GPALPP1: variants seen among roughly 807,000 people sequenced by gnomAD.
The protein encoded by GPALPP1 is GPALPP motifs containing 1.
Under a neutral mutation model 38.9 loss-of-function variants are expected in GPALPP1, and 30 were observed. The observed-to-expected ratio is 0.77, with a 90% CI of 0.58 to 1.05. The LOEUF (loss-of-function observed/expected upper bound fraction) is 1.05, where lower values mean the gene tolerates loss of function less well. Ranked by LOEUF, GPALPP1 falls within the 50% of genes least tolerant of loss-of-function variation. The probability of loss-of-function intolerance (pLI) is 0.00; values close to 1 mark genes in which losing one functional copy is unlikely to be tolerated. For missense variants in GPALPP1, 384 were observed against 408.8 expected, an observed-to-expected ratio of 0.94 and a Z score of 0.52; for synonymous variants, 120 against 139.2, an observed-to-expected ratio of 0.86 and a Z score of 0.97.
intron 4 of GPALPP1, among the ~76,000 whole-genome samples, chr13:45,010,710 C>T (rs150256510): frequency 4.3e-4 from 65 of 152,284 alleles, no homozygotes; most frequent in African/African-American, 1.4e-3. Flanking sequence ...TTCAGCCAGG[C>T]GCAGTGGTTC....
intron 1 of GPALPP1, among the ~76,000 whole-genome samples, chr13:45,001,315 A>C (rs1228277320): frequency 1.3e-5 from 2 of 152,174 alleles, no homozygotes; most frequent in East Asian, 3.9e-4. Flanking sequence ...ACTGTGGCTC[A>C]ATTAAACCTC....
chr13:45,036,485 A>T lies in GPALPP1; in HGVS notation c.*3250A>T, dbSNP rs1053269053. 4.6e-5 allele frequency: 7 copies of T among 152,154 alleles called. No homozygotes were observed. In the East Asian group the frequency reaches 1.3e-3, roughly 29 times the overall value. 9.4% of individuals were successfully genotyped at this position (152,154 alleles called of 1,614,324 possible). On this transcript the variant is annotated 3_prime_UTR_variant, in exon 8 of 8. Transcript: ENST00000357537. ...TGCAAAGGATGGTCTCTACCTTATG[A>T]CTATTTTCCTTGGGGGAATTAACCA...
At chr13:45,020,309 T>C (rs962005365) in intron 6 of GPALPP1, 21 bp from the exon 7 acceptor site, 1 of 885,914 alleles carries the variant, frequency 1.1e-6, no homozygotes, top group South Asian at 1.4e-5. Flanking sequence ...CAGTAATGTG[T>C]TATCTGTGTT....
chr13:44,991,778 C>T (rs1378273233), intron 1 of GPALPP1, among the ~76,000 whole-genome samples: 1 of 152,202 alleles, frequency 6.6e-6, no homozygotes, highest in Non-Finnish European at 1.5e-5. Flanking sequence ...GTAACTGCTT[C>T]CTTGATTTAT....
chr13:44,990,822 C>A (rs1872742698), intron 1 of GPALPP1, among the ~76,000 whole-genome samples: 1 of 152,188 alleles, frequency 6.6e-6, no homozygotes. Flanking sequence ...AGCGAGGTGG[C>A]ACAAGCCTGT....
intron 2 of GPALPP1, among the ~76,000 whole-genome samples, chr13:45,005,437 G>A (rs764337352): frequency 3.3e-5 from 5 of 152,004 alleles, no homozygotes; most frequent in Non-Finnish European, 7.4e-5. Flanking sequence ...CCCACTATGA[G>A]TCTATGTAAA....
chr13:45,022,628 C>G (rs1448931345), intron 7 of GPALPP1, among the ~76,000 whole-genome samples: 1 of 152,120 alleles, frequency 6.6e-6, no homozygotes, highest in African/African-American at 2.4e-5. Context: ...GAAACCTTAG[C>G]TTTTGATAAG....
chr13:45,010,501 G>T (rs1184294048), intron 4 of GPALPP1, among the ~76,000 whole-genome samples: 1 of 152,032 alleles, frequency 6.6e-6, no homozygotes, highest in Non-Finnish European at 1.5e-5. Flanking sequence ...TATCACCAGT[G>T]CCTTATACAT....
intron 6 of GPALPP1, among the ~76,000 whole-genome samples, chr13:45,016,461 A>C (rs1268912862): frequency 6.6e-6 from 1 of 152,176 alleles, no homozygotes; most frequent in Non-Finnish European, 1.5e-5. Flanking sequence ...CTCAAAAAAA[A>C]ACAAAAAAAC....
At chr13:44,999,710 G>T (rs1421751316) in intron 1 of GPALPP1, among the ~76,000 whole-genome samples, 9 of 152,130 alleles carry the variant, frequency 5.9e-5, no homozygotes, top group African/African-American at 2.2e-4. Flanking sequence ...CTCCTGAGTA[G>T]CTGGGACTAC....
chr13:45,015,100 C>CT lies in GPALPP1; in HGVS notation c.540+20dup. On this transcript the variant is annotated intron_variant, in intron 5 of 7. Transcript: ENST00000379151. Reference sequence around the variant, plus strand: ...GGAGATGATGTAAGTTTTAAAAACACTTTAAGAAATACACTAAATAGATTA... The same window carrying CT: ...GGAGATGATGTAAGTTTTAAAAACACTTTTAAGAAATACACTAAATAGATTA... 1 of 1,524,138 alleles carries CT rather than the reference C, an allele frequency of 6.6e-7. No homozygotes were observed. The highest frequency in any genetic ancestry group is 1.2e-5 in the South Asian group (1 of 84,734). The allele number at this position is 1,524,138 out of a possible 1,614,324, so 94.4% of individuals were successfully genotyped here.
Position 44,989,805 on chromosome 13 carries a change from T to A in GPALPP1, c.88+63T>A, listed in dbSNP as rs1872645756. The A allele has an allele frequency of 2.3e-6, 3 of 1,318,466 alleles. No individual in the cohort carries two copies. The Admixed American group carries it at 5.4e-5, about 24-fold the overall frequency. 81.7% of individuals were successfully genotyped at this position (1,318,466 alleles called of 1,614,324 possible). ...TACCCACTCCCTGGCCGGGCCCTGC[T>A]CGCTGAAGAAAGTCGGAGGCCTAGG... On this transcript the variant is annotated intron_variant, in intron 1 of 7. Coordinates refer to ENST00000379151, the MANE Select transcript of GPALPP1 (RefSeq NM_018559.5).
At chr13:45,037,007 C>T (rs1301863955) in exon 8 of GPALPP1, 1 of 152,092 alleles carries the variant, frequency 6.6e-6, no homozygotes, top group Non-Finnish European at 1.5e-5. Flanking sequence ...GTAGGAAAGA[C>T]AATAAAAGCT....
Position 45,015,098 on chromosome 13 carries a change from C to T in GPALPP1, c.540+15C>T. ...AAGGAGATGATGTAAGTTTTAAAAA[C>T]ACTTTAAGAAATACACTAAATAGAT... On this transcript the variant is annotated intron_variant, in intron 5 of 7. Transcript: ENST00000379151. 1 of 1,539,116 alleles carries T rather than the reference C, an allele frequency of 6.5e-7. No homozygotes were observed. The highest frequency in any genetic ancestry group is 8.9e-7 in the Non-Finnish European group (1 of 1,122,882).
At chr13:44,998,304 T>C (rs944516762) in intron 1 of GPALPP1, among the ~76,000 whole-genome samples, 1 of 152,188 alleles carries the variant, frequency 6.6e-6, no homozygotes, top group Non-Finnish European at 1.5e-5. Flanking sequence ...AACATTCAAA[T>C]CTTTCCCATC....
chr13:45,029,086 A>C lies in GPALPP1; in HGVS notation c.*1083A>C, dbSNP rs1001675695. ...AAAAAAGAAAGAAAAAGAGAAGAAA[A>C]GAAATTACATAAAAGCTGAGGTTGC... On this transcript the variant is annotated 3_prime_UTR_variant, in exon 8 of 8. Coordinates refer to ENST00000379151, the MANE Select transcript of GPALPP1 (RefSeq NM_018559.5). 2 of 152,114 alleles carry C rather than the reference A, an allele frequency of 1.3e-5. No individual in the cohort carries two copies. The highest frequency in any genetic ancestry group is 4.8e-5 in the African/African-American group (2 of 41,438). The allele number at this position is 152,114 out of a possible 1,614,324, so 9.4% of individuals were successfully genotyped here. A position where few individuals can be genotyped will look rare whatever the true frequency, so the allele number is the denominator to read the frequency against.
At chr13:45,007,845 G>C (rs781478033) in intron 3 of GPALPP1, among the ~76,000 whole-genome samples, 6 of 152,156 alleles carry the variant, frequency 3.9e-5, no homozygotes, top group Non-Finnish European at 7.4e-5. Context: ...CAAGGATGAA[G>C]AATCTTAAAA....
In GPALPP1 at chr13:45,029,820, G is replaced by T. The variant is rs1876100066; in HGVS notation, c.*1817G>T. 1 of 152,134 alleles carries T rather than the reference G, an allele frequency of 6.6e-6. No homozygotes were observed. The highest frequency in any genetic ancestry group is 2.4e-5 in the African/African-American group (1 of 41,424). 9.4% of individuals were successfully genotyped at this position (152,134 alleles called of 1,614,324 possible). A position where few individuals can be genotyped will look rare whatever the true frequency, so the allele number is the denominator to read the frequency against. On this transcript the variant is annotated 3_prime_UTR_variant, in exon 8 of 8. Coordinates refer to ENST00000379151, the MANE Select transcript of GPALPP1 (RefSeq NM_018559.5). The stretch of plus-strand genomic sequence containing the variant: ...TTTTTAATTGTTTTTAAGTCAGAAA[G>T]ATCTCTGGGTTATCTCATGTGCTAA...
intron 1 of GPALPP1, among the ~76,000 whole-genome samples, chr13:44,998,140 A>G (rs1282821960): frequency 1.3e-5 from 2 of 152,192 alleles, no homozygotes; most frequent in African/African-American, 2.4e-5. Flanking sequence ...CTGTTACTGT[A>G]TCTAAAAACT....
Sources: allele counts gnomAD v4.1 joint callset (sites outside exome capture counted in the v4.1 genomes callset), GRCh38; gene constraint gnomAD v4.1.1; transcripts MANE v1.5; gene names NCBI Gene and HGNC (gene_info 2026-07-23, HGNC 2026-07-21).